The following REEP1 variants were observed in gnomAD, a reference collection of about 807,000 sequenced individuals.
REEP1 encodes receptor accessory protein 1.
A neutral mutation model predicts 40.3 loss-of-function variants in REEP1; 22 were observed. The ratio of observed to expected loss-of-function variants is 0.55; its 90% CI spans 0.39 to 0.78. The LOEUF (loss-of-function observed/expected upper bound fraction) is 0.78, where lower values mean the gene tolerates loss of function less well. Ranked by LOEUF, REEP1 falls within the 30% of genes least tolerant of loss-of-function variation. REEP1 has a pLI of 0.00. For missense variants in REEP1, 280 were observed against 361.1 expected (o/e 0.78, Z 1.82); for synonymous variants, 116 against 139.2 (o/e 0.83, Z 1.17).
chr2:86,215,007 TAAG>T lies in REEP1; in HGVS notation c.*2029_*2031del, dbSNP rs1201779618. The stretch of plus-strand genomic sequence containing the variant: ...GTTTCGGCAAAAAAAAAAAAATTGC[TAAG>T]AAGCTGTGTAAGCTTTTTTTTTTTT... On this transcript the variant is annotated 3_prime_UTR_variant, in exon 9 of 9. Transcript: ENST00000538924. 2.2e-5 allele frequency: 3 copies of T among 138,052 alleles called. No homozygotes were observed. The highest frequency in any genetic ancestry group is 4.7e-5 in the Non-Finnish European group (3 of 63,866). The allele number at this position is 138,052 out of a possible 1,614,324, so 8.6% of individuals were successfully genotyped here.
chr2:86,326,721 AAT>A (rs1432684331), intron 1 of REEP1, among the ~76,000 whole-genome samples: 1 of 152,048 alleles, frequency 6.6e-6, no homozygotes, highest in African/African-American at 2.4e-5. Flanking sequence ...TCAAAAAAAA[AAT>A]AAAAAATAAA....
rs571574279 is a variant in REEP1 at position 86,263,409 on chromosome 2, A to ATT, written c.182+554_182+555dup. 1.7e-4 allele frequency among the ~76,000 whole-genome samples: 26 copies of ATT among 150,342 alleles called. No individual in the cohort carries two copies. The East Asian group carries it at 3.5e-3, about 20-fold the overall frequency. ...CATGCCCGGCTAATTATTTTTTTGT[A>ATT]TTTTTTTTTAGCAGAGATGGGGTTT... On this transcript the variant is annotated intron_variant, in intron 3 of 8. Transcript: ENST00000538924.
chr2:86,220,348 AAAC>A (rs1321637907), intron 7 of REEP1, among the ~76,000 whole-genome samples: 1 of 152,202 alleles, frequency 6.6e-6, no homozygotes, highest in Non-Finnish European at 1.5e-5. Flanking sequence ...CTGTGCACAG[AAAC>A]AACCACAGAC....
intron 2 of REEP1, chr2:86,280,071 A>G (rs1003291687): frequency 2.8e-5 from 13 of 456,218 alleles, no homozygotes; most frequent in African/African-American, 2.0e-4. Context: ...ATGGTCACCA[A>G]CTGGGTGGGG....
At chr2:86,334,277 C>A (rs1433303938) in intron 1 of REEP1, among the ~76,000 whole-genome samples, 3 of 152,172 alleles carry the variant, frequency 2.0e-5, no homozygotes, top group East Asian at 1.9e-4. Context: ...TGGGACCACA[C>A]AAAGACAGGA....
At chr2:86,331,300 G>A (rs1680751032) in intron 1 of REEP1, among the ~76,000 whole-genome samples, 1 of 152,162 alleles carries the variant, frequency 6.6e-6, no homozygotes, top group African/African-American at 2.4e-5. Context: ...ACCAATGTCT[G>A]TGCCCAGGGA....
intron 1 of REEP1, among the ~76,000 whole-genome samples, chr2:86,293,023 A>C (rs942972548): frequency 1.3e-5 from 2 of 152,202 alleles, no homozygotes; most frequent in Non-Finnish European, 2.9e-5. Context: ...GGCAACTACT[A>C]TCCATTCCCT....
chr2:86,227,680 A>G (rs540003555), intron 6 of REEP1, among the ~76,000 whole-genome samples: 203 of 152,304 alleles, frequency 1.3e-3, no homozygotes, highest in Non-Finnish European at 2.5e-3. Context: ...TTCCCTCTGG[A>G]AAATAACTCC....
Position 86,232,706 on chromosome 2 carries a change from G to A in REEP1, c.514C>T (p.Pro172Ser), listed in dbSNP as rs765274776. ...CCGCTGGCCCGCCCAGACCCCGGTG[G>A]TGGGGGGCCCGAGGGAGCAGGGGCG... is the stretch of plus-strand genomic sequence containing the variant. ...DGAPAPSGPP[P>S]PGSGRASGKH... is the part of the protein sequence containing the mutation. The change falls in exon 6 of 9, where the codon CCA becomes TCA. Residue 172 changes from proline (P) to serine (S), a missense_variant. Physicochemically the swap from Pro to Ser is moderately conservative, Grantham distance 74 (BLOSUM62 -1). This residue lies in a region of REEP1 where 201 missense variants were observed against 238.5 expected (regional missense o/e 0.84). Coordinates refer to ENST00000538924, the MANE Select transcript of REEP1 (RefSeq NM_001371279.1). 2.5e-6 allele frequency: 4 copies of A among 1,611,250 alleles called. No homozygotes were observed. The highest frequency in any genetic ancestry group is 3.4e-6 in the Non-Finnish European group (4 of 1,179,992).
intron 5 of REEP1, among the ~76,000 whole-genome samples, chr2:86,243,640 C>G (rs1675785079): frequency 6.6e-6 from 1 of 152,218 alleles, no homozygotes; most frequent in South Asian, 2.1e-4. Context: ...CTTGGTTCTG[C>G]TTCGACACAT....
At chr2:86,232,926 C>T (rs1224887363) in intron 5 of REEP1, 124 bp from the exon 6 acceptor site, 26 of 946,242 alleles carry the variant, frequency 2.7e-5, no homozygotes, top group South Asian at 1.3e-4. Flanking sequence ...AACTCTGAGG[C>T]GCAGGTGCCC....
At chr2:86,248,448 CTTAT>C (rs1482937548) in intron 5 of REEP1, among the ~76,000 whole-genome samples, 3 of 151,648 alleles carry the variant, frequency 2.0e-5, no homozygotes, top group South Asian at 2.1e-4. Flanking sequence ...TTTTATTTTA[CTTAT>C]TTATTTATTT....
chr2:86,254,677 A>AT lies in REEP1; in HGVS notation c.303+16dup. The AT allele has an allele frequency of 6.2e-7, 1 of 1,611,160 alleles. No homozygotes were observed. Among genetic ancestry groups the AT allele is most frequent in the Non-Finnish European group, 8.5e-7 (1 of 1,177,368 alleles). On this transcript the variant is annotated intron_variant, in intron 4 of 8. Coordinates refer to ENST00000538924, the MANE Select transcript of REEP1 (RefSeq NM_001371279.1). ...TCACTTGCTAGAAAGAATGAAAGAC[A>AT]TGGCAGCATATATTACCTTTTCTTT...
intron 7 of REEP1, among the ~76,000 whole-genome samples, chr2:86,225,681 C>T (rs558459616): frequency 2.6e-5 from 4 of 152,252 alleles, no homozygotes; most frequent in Non-Finnish European, 1.5e-5. Flanking sequence ...TCCTGTCTTG[C>T]TCACTGCCGA....
chr2:86,336,850 G>C (rs575435034), intron 1 of REEP1: 1 of 152,418 alleles, frequency 6.6e-6, no homozygotes, highest in Non-Finnish European at 1.5e-5. Flanking sequence ...CCCTGCAAAA[G>C]GAGTCGGAGC....
At chr2:86,338,031 C>G (rs1357349624), upstream of REEP1, 1 of 1,537,210 alleles carries the variant, frequency 6.5e-7, no homozygotes, top group East Asian at 2.4e-5. Context: ...TACCTGGATC[C>G]AGACCTAACC....
chr2:86,295,750 A>G (rs923383418), intron 1 of REEP1, among the ~76,000 whole-genome samples: 25 of 152,218 alleles, frequency 1.6e-4, no homozygotes, highest in African/African-American at 5.5e-4. Flanking sequence ...CGTGTTAGCC[A>G]GGATGGTCTC....
intron 1 of REEP1, among the ~76,000 whole-genome samples, chr2:86,298,884 C>A (rs574492322): frequency 2.6e-5 from 4 of 152,106 alleles, no homozygotes; most frequent in Admixed American, 6.5e-5. Context: ...GAGTGCTGAC[C>A]GAGCTTTCCT....
chr2:86,295,754 T>C (rs1162536792), intron 1 of REEP1, among the ~76,000 whole-genome samples: 1 of 152,178 alleles, frequency 6.6e-6, no homozygotes, highest in Non-Finnish European at 1.5e-5. Context: ...TTAGCCAGGA[T>C]GGTCTCGATC....
Sources: allele counts gnomAD v4.1 joint callset (sites outside exome capture counted in the v4.1 genomes callset), GRCh38; gene constraint gnomAD v4.1.1; regional missense constraint gnomAD v4.1.1; transcripts MANE v1.5; gene names NCBI Gene and HGNC (gene_info 2026-07-23, HGNC 2026-07-21).